The following ELMO1 variants were observed in gnomAD, a reference collection of about 807,000 sequenced individuals.
The protein encoded by ELMO1 is engulfment and cell motility 1.
In ELMO1, 26 loss-of-function variants were observed where a neutral mutation model predicts 98.9. That is an observed-to-expected ratio of 0.26 (90% CI 0.19 to 0.36). The LOEUF is 0.36. ELMO1 is among the 10% of genes least tolerant of loss of function. The pLI is 1.00. For missense variants in ELMO1, 627 were observed against 935.2 expected (o/e 0.67, Z 4.30); for synonymous variants, 346 against 346.0 (o/e 1.00, Z 0.00).
chr7:37,369,126 A>G (rs566434450), intron 1 of ELMO1, among the ~76,000 whole-genome samples: 39 of 152,332 alleles, frequency 2.6e-4, no homozygotes, highest in African/African-American at 8.9e-4. Context: ...TAAAGATGTC[A>G]ACAAGGTTAT....
intron 4 of ELMO1, among the ~76,000 whole-genome samples, chr7:37,306,608 G>T (rs1252354970): frequency 6.6e-6 from 1 of 152,194 alleles, no homozygotes; most frequent in South Asian, 2.1e-4. Context: ...AGCTGTACTT[G>T]TTAAAGATGC....
intron 7 of ELMO1, among the ~76,000 whole-genome samples, chr7:37,237,560 G>A (rs892414427): frequency 2.0e-5 from 3 of 152,190 alleles, no homozygotes; most frequent in African/African-American, 7.2e-5. Flanking sequence ...AAAGTGCTGG[G>A]ATTACAGGCG....
At chr7:37,376,585 C>T (rs764152302) in intron 1 of ELMO1, among the ~76,000 whole-genome samples, 3 of 152,234 alleles carry the variant, frequency 2.0e-5, no homozygotes, top group African/African-American at 7.2e-5. Flanking sequence ...TACTGTAACC[C>T]CCACCCAGAA....
At chr7:37,009,155 C>T (rs1793368815) in intron 16 of ELMO1, among the ~76,000 whole-genome samples, 1 of 152,068 alleles carries the variant, frequency 6.6e-6, no homozygotes, top group African/African-American at 2.4e-5. Context: ...CTTTCTTATC[C>T]CGCTCAAAAA....
intron 13 of ELMO1, among the ~76,000 whole-genome samples, chr7:37,169,257 A>G (rs1747602099): frequency 1.3e-5 from 2 of 152,146 alleles, no homozygotes; most frequent in African/African-American, 4.8e-5. Context: ...CCTTTCTTTG[A>G]CTAGGAAAGG....
intron 16 of ELMO1, among the ~76,000 whole-genome samples, chr7:36,939,953 C>T (rs1786885543): frequency 6.6e-6 from 1 of 152,250 alleles, no homozygotes; most frequent in Non-Finnish European, 1.5e-5. Flanking sequence ...CTTATCCTTA[C>T]ATGTGACGTG....
At chr7:37,303,249 A>G (rs974981529) in intron 4 of ELMO1, among the ~76,000 whole-genome samples, 1 of 152,262 alleles carries the variant, frequency 6.6e-6, no homozygotes, top group African/African-American at 2.4e-5. Flanking sequence ...GAGCACAACC[A>G]TCAGTAGTCA....
chr7:37,237,901 T>C (rs1445515784), intron 7 of ELMO1, among the ~76,000 whole-genome samples: 1 of 152,340 alleles, frequency 6.6e-6, no homozygotes, highest in African/African-American at 2.4e-5. Context: ...CATTGATCTG[T>C]TTATCTACCC....
At chr7:37,254,508 TACAACACACCTAGGCTATGTGGC>T (rs1795535190) in intron 6 of ELMO1, among the ~76,000 whole-genome samples, 3 of 152,214 alleles carry the variant, frequency 2.0e-5, no homozygotes. Flanking sequence ...TGGTATAGCC[TACAACACACCTAGGCTATGTGGC>T]ACAGCTTATT....
At chr7:37,323,055 A>C (rs760200290) in intron 2 of ELMO1, among the ~76,000 whole-genome samples, 4 of 152,170 alleles carry the variant, frequency 2.6e-5, no homozygotes, top group Non-Finnish European at 5.9e-5. Context: ...CACGGAGGCC[A>C]TGACCCCACA....
chr7:37,445,262 G>T (rs1301954120), intron 1 of ELMO1, among the ~76,000 whole-genome samples: 1 of 152,196 alleles, frequency 6.6e-6, no homozygotes, highest in East Asian at 1.9e-4. Context: ...AAACACTCCA[G>T]GCTTTGTGAT....
At chr7:37,123,831 C>CA (rs1176102696) in intron 14 of ELMO1, among the ~76,000 whole-genome samples, 2 of 151,962 alleles carry the variant, frequency 1.3e-5, no homozygotes, top group Non-Finnish European at 1.5e-5. Context: ...AGAGACACAA[C>CA]AAAAAAAGAG....
intron 16 of ELMO1, among the ~76,000 whole-genome samples, chr7:36,970,405 G>T (rs1789835451): frequency 6.6e-6 from 1 of 152,186 alleles, no homozygotes; most frequent in African/African-American, 2.4e-5. Context: ...GGAAAACCAT[G>T]CCAGTGTGGA....
At chr7:37,021,082 G>A (rs1393159648) in intron 15 of ELMO1, among the ~76,000 whole-genome samples, 1 of 151,998 alleles carries the variant, frequency 6.6e-6, no homozygotes, top group Non-Finnish European at 1.5e-5. Flanking sequence ...TTTTAAACCT[G>A]GTATTCCTTA....
chr7:37,420,644 G>A (rs75181507), intron 1 of ELMO1, among the ~76,000 whole-genome samples: 4,506 of 152,326 alleles, frequency 0.03, 95 homozygotes, highest in Non-Finnish European at 0.045. Flanking sequence ...CTGATGCCCC[G>A]TGTAACTCCA....
chr7:37,360,814 A>T (rs1475526322), intron 1 of ELMO1, among the ~76,000 whole-genome samples: 2 of 152,252 alleles, frequency 1.3e-5, no homozygotes, highest in Non-Finnish European at 2.9e-5. Context: ...CATTGTTCTC[A>T]GGAAAATTTT....
intron 14 of ELMO1, among the ~76,000 whole-genome samples, chr7:37,120,504 A>C (rs1201172436): frequency 1.3e-5 from 2 of 152,212 alleles, no homozygotes; most frequent in African/African-American, 4.8e-5. Flanking sequence ...AGAGGGTCCC[A>C]CGCCCACAGA....
chr7:37,335,138 T>C (rs552285280), intron 2 of ELMO1, among the ~76,000 whole-genome samples: 1 of 152,052 alleles, frequency 6.6e-6, no homozygotes, highest in African/African-American at 2.4e-5. Flanking sequence ...GTGAAATATA[T>C]TAACTGCAAA....
intron 1 of ELMO1, among the ~76,000 whole-genome samples, chr7:37,345,661 C>T (rs1800965892): frequency 6.6e-6 from 1 of 151,656 alleles, no homozygotes; most frequent in Non-Finnish European, 1.5e-5. Flanking sequence ...GGACCAAGAT[C>T]GCACCACTGC....
Sources: gnomAD v4.1 joint callset for allele counts (sites outside exome capture counted in the v4.1 genomes callset) on GRCh38, gnomAD v4.1.1 for gene constraint, MANE v1.5 for transcripts, NCBI Gene and HGNC (gene_info 2026-07-23, HGNC 2026-07-21) for gene names.